The following CASC3 variants were observed in gnomAD, a reference collection of about 807,000 sequenced individuals.
The protein encoded by CASC3 is protein CASC3.
CASC3 carries 30 observed loss-of-function variants against 80.5 expected under a neutral mutation model. The observed-to-expected ratio is 0.37, with a 90% CI of 0.28 to 0.51. The LOEUF is 0.51. Ranked by LOEUF, CASC3 falls within the 20% of genes least tolerant of loss-of-function variation. The pLI, the probability that CASC3 is intolerant of heterozygous loss-of-function variation, is 0.94. For missense variants in CASC3, 824 were observed against 922.2 expected, an observed-to-expected ratio of 0.89 and a Z score of 1.38; for synonymous variants, 312 against 333.6, an observed-to-expected ratio of 0.94 and a Z score of 0.70.
In CASC3 at chr17:40,141,688, C is replaced by T. The variant is rs949969601; in HGVS notation, c.297+81C>T. The T allele has an allele frequency of 6.1e-6, 6 of 987,276 alleles. No individual in the cohort carries two copies. The African/African-American group carries it at 9.7e-5, about 16-fold the overall frequency. 61.2% of individuals were successfully genotyped at this position (987,276 alleles called of 1,614,324 possible). A position where few individuals can be genotyped will look rare whatever the true frequency, so the allele number is the denominator to read the frequency against. ...TGTACACACCTTCGTTGCAAACGTACCATGACCTCCGTGTTTATCCTCTTG... is the reference window on the plus strand; with the variant it reads ...TGTACACACCTTCGTTGCAAACGTATCATGACCTCCGTGTTTATCCTCTTG... On this transcript the variant is annotated intron_variant, in intron 3 of 13. Transcript: ENST00000264645.
Position 40,157,371 on chromosome 17 carries a change from T to TAATA in CASC3, c.298-4379_298-4378insAAAT, listed in dbSNP as rs201669462. ...TAAATAAATAAATAAATAAATAAAT[T>TAATA]AATTAATTAATTAATTAAAAGGGGC... On this transcript the variant is annotated intron_variant, in intron 3 of 13. Transcript: ENST00000264645. Among the ~76,000 whole-genome samples, 168 of 137,500 alleles carry TAATA rather than the reference T, an allele frequency of 1.2e-3. No individual in the cohort carries two copies. In the Middle Eastern group the frequency reaches 0.032, roughly 26 times the overall value. 90.2% of individuals were successfully genotyped at this position (137,500 alleles called of 152,430 possible). A position where few individuals can be genotyped will look rare whatever the true frequency, so the allele number is the denominator to read the frequency against.
At chr17:40,161,639 A>T in intron 3 of CASC3, 114 bp from the exon 4 acceptor site, 1 of 865,414 alleles carries the variant, frequency 1.2e-6, no homozygotes, top group Non-Finnish European at 1.9e-6. Flanking sequence ...AGATTGTGCC[A>T]CTGTATTCCA....
chr17:40,142,682 A>T (rs1598418394), intron 3 of CASC3, among the ~76,000 whole-genome samples: 1 of 152,126 alleles, frequency 6.6e-6, no homozygotes, highest in African/African-American at 2.4e-5. Context: ...AGGTCAGGAG[A>T]TCGAAACCGT....
At chr17:40,165,487 C>T (rs1161898078) in intron 7 of CASC3, among the ~76,000 whole-genome samples, 2 of 152,060 alleles carry the variant, frequency 1.3e-5, no homozygotes, top group Non-Finnish European at 2.9e-5. Flanking sequence ...AGACACTGCA[C>T]CTGCCCGGTC....
chr17:40,146,313 G>C (rs1988858838), intron 3 of CASC3, among the ~76,000 whole-genome samples: 1 of 152,050 alleles, frequency 6.6e-6, no homozygotes, highest in African/African-American at 2.4e-5. Flanking sequence ...TTTGATTTAT[G>C]GTGTAGTTAC....
At position 40,162,722 on chromosome 17, in the gene CASC3, C is replaced by T. The variant is rs934146206; in HGVS notation, c.609-3C>T. 3 of 1,612,748 alleles carry T rather than the reference C, an allele frequency of 1.9e-6. No homozygotes were observed. Among genetic ancestry groups the T allele is most frequent in the African/African-American group, 2.7e-5 (2 of 74,840 alleles). Reference sequence around the variant, plus strand: ...CAAGACACTTTTCCTTCATTTTATCCAGACCCAAGGGGCGTCAGCGAAAGC... The same window carrying T: ...CAAGACACTTTTCCTTCATTTTATCTAGACCCAAGGGGCGTCAGCGAAAGC... On this transcript the variant is annotated splice_region_variant and splice_polypyrimidine_tract_variant and intron_variant, in intron 5 of 13. Coordinates refer to ENST00000264645, the MANE Select transcript of CASC3 (RefSeq NM_007359.5).
In CASC3 at chr17:40,162,148, A is replaced by G. The variant is rs1425839855; in HGVS notation, c.603A>G (p.Glu201=). Reference sequence around the variant, plus strand: ...TTCGAGGGCAAACTCAGGAGGAGGAAGTCAGGTAAAAGCCACTTGCTGCTG... The same window carrying G: ...TTCGAGGGCAAACTCAGGAGGAGGAGGTCAGGTAAAAGCCACTTGCTGCTG... ...HDLRGQTQEE[E]VRPKGRQRKL... is the part of the protein sequence containing the mutation. The change falls in exon 5 of 14, where the codon GAA becomes GAG. Residue 201 remains glutamate, a synonymous_variant. Transcript: ENST00000264645. The G allele has an allele frequency of 2.5e-6, 4 of 1,612,610 alleles. No homozygotes were observed. The East Asian group carries it at 8.9e-5, about 36-fold the overall frequency.
At position 40,167,546 on chromosome 17, in the gene CASC3, C is replaced by T. The variant is rs749111949; in HGVS notation, c.1585C>T (p.Pro529Ser). ...AKRYSSQRQR[P>S]VPEPPAPPVH... ...ACGCTATTCATCCCAGCGGCAAAGA[C>T]CTGTGCCAGAGCCCCCCGCCCCTCC... Residue 529 changes from proline (P) to serine (S), a missense_variant, in exon 9 of 14, where the codon CCT (proline) becomes TCT (serine). Physicochemically the swap from Pro to Ser is moderately conservative, Grantham distance 74. This residue lies in a region of CASC3 where 464 missense variants were observed against 506.0 expected (regional missense o/e 0.92). Transcript: ENST00000264645. 51 of 1,613,966 alleles carry T rather than the reference C, an allele frequency of 3.2e-5. No homozygotes were observed. Among genetic ancestry groups the T allele is most frequent in the Middle Eastern group, 3.3e-4 (2 of 6,082 alleles).
intron 3 of CASC3, among the ~76,000 whole-genome samples, chr17:40,145,160 AT>A (rs1007480625): frequency 1.7e-4 from 22 of 132,716 alleles, no homozygotes; most frequent in African/African-American, 5.4e-4. Flanking sequence ...CGTGCCCCCC[AT>A]TTTTTTTGTT....
intron 3 of CASC3, among the ~76,000 whole-genome samples, chr17:40,153,848 C>T (rs1471312656): frequency 2.6e-5 from 4 of 152,064 alleles, no homozygotes; most frequent in Admixed American, 2.6e-4. Flanking sequence ...CCGAGTCAGA[C>T]GGATCACTTG....
chr17:40,154,105 GTTTTTTTTTTT>G (rs548654217), intron 3 of CASC3, among the ~76,000 whole-genome samples: 3 of 76,768 alleles, frequency 3.9e-5, no homozygotes, highest in Non-Finnish European at 7.6e-5. Flanking sequence ...GATGCTGAGC[GTTTTTTTTTTT>G]TTTTTTTTTT....
At position 40,141,221 on chromosome 17, in the gene CASC3, C is replaced by T. The variant is rs760005011; in HGVS notation, c.246C>T (p.Gly82=). ...CTTTCTTTCAGGAGAGTGAAGATGG[C>T]ATTGAAGGTGATGGTGAGTAGCATC... is the stretch of plus-strand genomic sequence containing the variant. ...AEESECESED[G]IEGDAVLSDY... The change falls in exon 2 of 14, where the codon GGC becomes GGT. Residue 82 remains glycine (G), a synonymous_variant. Transcript: ENST00000264645. The T allele has an allele frequency of 3.1e-6, 5 of 1,613,736 alleles. No individual in the cohort carries two copies. The highest frequency in any genetic ancestry group is 4.2e-6 in the Non-Finnish European group (5 of 1,179,742).
Position 40,170,858 on chromosome 17 carries a change from T to C in CASC3, c.*453T>C, listed in dbSNP as rs1390236717. ...TTAATTTTTTCTCTTTGTTTCTGTTTCTTGCTCTCTCTCCCTGCCTTTAAA... is the reference window on the plus strand; with the variant it reads ...TTAATTTTTTCTCTTTGTTTCTGTTCCTTGCTCTCTCTCCCTGCCTTTAAA... On this transcript the variant is annotated 3_prime_UTR_variant, in exon 14 of 14. Coordinates refer to ENST00000264645, the MANE Select transcript of CASC3 (RefSeq NM_007359.5). 1 of 985,108 alleles carries C rather than the reference T, an allele frequency of 1.0e-6. No individual in the cohort carries two copies. The highest frequency in any genetic ancestry group is 6.1e-5 in the Admixed American group (1 of 16,262). The allele number at this position is 985,108 out of a possible 1,614,324, so 61.0% of individuals were successfully genotyped here.
Position 40,168,262 on chromosome 17 carries a change from G to A in CASC3, c.1810G>A (p.Val604Met). 6.2e-7 allele frequency: 1 copy of A among 1,613,964 alleles called. No individual in the cohort carries two copies. Among genetic ancestry groups the A allele is most frequent in the Middle Eastern group, 1.6e-4 (1 of 6,062 alleles). ...CAATCCAGGCCTCTATCCCCCACCA[G>A]TGTCCATGTCTCCAGGACAGCCACC... ...LPNPGLYPPPVSMSPGQPPPQ... is the reference protein window; with the variant it reads ...LPNPGLYPPPMSMSPGQPPPQ... Residue 604 changes from valine (V) to methionine (M), a missense_variant, in exon 11 of 14, where the codon GTG becomes ATG. By Grantham distance (21) the Val-to-Met change is conservative. Coordinates refer to ENST00000264645, the MANE Select transcript of CASC3 (RefSeq NM_007359.5).
At chr17:40,149,945 A>G (rs575094711) in intron 3 of CASC3, among the ~76,000 whole-genome samples, 11 of 152,262 alleles carry the variant, frequency 7.2e-5, no homozygotes, top group African/African-American at 2.6e-4. Context: ...GGAATAGATA[A>G]TAATATTAAG....
intron 3 of CASC3, 36 bp downstream of exon 3, chr17:40,141,643 A>G (rs1988720773): frequency 1.3e-6 from 2 of 1,562,012 alleles, no homozygotes; most frequent in African/African-American, 2.7e-5. Flanking sequence ...GGTATAGATC[A>G]GAAATGCTTT....
At chr17:40,158,802 T>TG (rs1313538542) in intron 3 of CASC3, among the ~76,000 whole-genome samples, 3 of 152,210 alleles carry the variant, frequency 2.0e-5, no homozygotes, top group African/African-American at 7.2e-5. Flanking sequence ...GTCAAATTTT[T>TG]GTAATTATGT....
chr17:40,140,829 G>T, intron 1 of CASC3, 50 bp downstream of exon 1: 1 of 1,083,802 alleles, frequency 9.2e-7, no homozygotes, highest in Non-Finnish European at 1.3e-6. Flanking sequence ...CGAGCCGGCC[G>T]GGGGCGGGGT....
chr17:40,141,809 G>A (rs1988725297), intron 3 of CASC3, among the ~76,000 whole-genome samples: 1 of 152,186 alleles, frequency 6.6e-6, no homozygotes, highest in African/African-American at 2.4e-5. Context: ...CAAGCCACAG[G>A]TGTTATACTG....
Sources: allele counts gnomAD v4.1 joint callset (sites outside exome capture counted in the v4.1 genomes callset), GRCh38; gene constraint gnomAD v4.1.1; regional missense constraint gnomAD v4.1.1; transcripts MANE v1.5; gene names NCBI Gene and HGNC (gene_info 2026-07-23, HGNC 2026-07-21).